TRPC4: variants seen among roughly 807,000 people sequenced by gnomAD.
TRPC4 encodes the protein transient receptor potential cation channel subfamily C member 4.
A neutral mutation model predicts 99.4 loss-of-function variants in TRPC4; 49 were observed. That is an observed-to-expected ratio of 0.49 (90% CI 0.39 to 0.63). The LOEUF (loss-of-function observed/expected upper bound fraction) is 0.63. TRPC4 is among the 20% of genes least tolerant of loss of function. TRPC4 has a pLI of 0.00. For missense variants in TRPC4, 898 were observed against 1,152.9 expected (o/e 0.78, Z 3.20); for synonymous variants, 454 against 425.9 (o/e 1.07, Z -0.81).
intron 1 of TRPC4, among the ~76,000 whole-genome samples, chr13:37,784,226 G>T (rs968900651): frequency 5.3e-5 from 8 of 151,984 alleles, no homozygotes; most frequent in African/African-American, 1.9e-4. Context: ...AATGGAGAGA[G>T]AATTTATTAT....
intron 6 of TRPC4, among the ~76,000 whole-genome samples, chr13:37,662,137 C>G (rs1179861185): frequency 6.6e-6 from 1 of 151,944 alleles, no homozygotes; most frequent in Non-Finnish European, 1.5e-5. Context: ...TGTTGAAACC[C>G]TATCTCTACT....
At chr13:37,671,835 G>A (rs577551538) in intron 5 of TRPC4, among the ~76,000 whole-genome samples, 70 of 152,242 alleles carry the variant, frequency 4.6e-4, no homozygotes, top group Non-Finnish European at 9.4e-4. Context: ...CATACATTGT[G>A]CTAAATGCAA....
chr13:37,797,201 A>C (rs1010158271), intron 1 of TRPC4, among the ~76,000 whole-genome samples: 2 of 151,724 alleles, frequency 1.3e-5, no homozygotes, highest in African/African-American at 4.8e-5. Context: ...AATTAAAAAT[A>C]AAAATAAAAT....
At chr13:37,643,590 G>T (rs1389370498) in intron 8 of TRPC4, among the ~76,000 whole-genome samples, 1 of 152,178 alleles carries the variant, frequency 6.6e-6, no homozygotes, top group Non-Finnish European at 1.5e-5. Flanking sequence ...AATATGCTAG[G>T]GTTAGAAAGT....
intron 6 of TRPC4, among the ~76,000 whole-genome samples, chr13:37,659,670 A>C (rs1305168791): frequency 6.6e-6 from 1 of 152,172 alleles, no homozygotes; most frequent in Non-Finnish European, 1.5e-5. Context: ...TGGAAGACAT[A>C]AGAAACAAGG....
intron 1 of TRPC4, among the ~76,000 whole-genome samples, chr13:37,812,175 T>TCAAAAAAAAAAACAAA (rs1957708704): frequency 1.9e-4 from 1 of 5,200 alleles, no homozygotes; most frequent in African/African-American, 9.0e-4. Flanking sequence ...TGAGACTCTA[T>TCAAAAAAAAAAACAAA]CAAAAAAAAA....
chr13:37,676,950 A>T (rs1953077535), intron 4 of TRPC4, among the ~76,000 whole-genome samples: 1 of 151,642 alleles, frequency 6.6e-6, no homozygotes, highest in Admixed American at 6.6e-5. Context: ...ATACATATAA[A>T]ATACATATAT....
chr13:37,788,571 T>C (rs754043825), intron 1 of TRPC4, among the ~76,000 whole-genome samples: 1 of 151,926 alleles, frequency 6.6e-6, no homozygotes, highest in Non-Finnish European at 1.5e-5. Flanking sequence ...CTGCCAGTCT[T>C]CCCTAATGCT....
chr13:37,772,200 G>A (rs771672012), intron 2 of TRPC4, among the ~76,000 whole-genome samples: 6 of 151,712 alleles, frequency 4.0e-5, no homozygotes, highest in Non-Finnish European at 8.8e-5. Context: ...CACAGTTAGT[G>A]TATGGAAAGG....
Position 37,637,002 on chromosome 13 carries a change from T to C in TRPC4, c.2835A>G (p.Pro945=). Residue 945 remains proline (P), a synonymous_variant, in exon 11 of 11, where the codon CCA becomes CCG. Transcript: ENST00000379705. The part of the protein sequence containing the change: ...VVVEDTVPII[P]KEKHAKEEDS... The stretch of plus-strand genomic sequence containing the variant: ...CCTCTTCTTTTGCATGTTTCTCCTT[T>C]GGTATTATAGGAACCGTGTCCTCCA... The C allele has an allele frequency of 6.2e-7, 1 of 1,613,772 alleles. No homozygotes were observed. The highest frequency in any genetic ancestry group is 8.5e-7 in the Non-Finnish European group (1 of 1,179,748).
At chr13:37,845,133 G>A (rs1373463883) in intron 1 of TRPC4, among the ~76,000 whole-genome samples, 9 of 152,112 alleles carry the variant, frequency 5.9e-5, no homozygotes, top group Admixed American at 2.6e-4. Context: ...CCAACCTTAA[G>A]GTCTGTTTGG....
intron 3 of TRPC4, among the ~76,000 whole-genome samples, chr13:37,743,066 T>A (rs996674893): frequency 6.6e-6 from 1 of 152,098 alleles, no homozygotes; most frequent in Non-Finnish European, 1.5e-5. Flanking sequence ...TCCATTGAAA[T>A]CTCAAAACAT....
At chr13:37,728,109 G>A (rs959423024) in intron 3 of TRPC4, among the ~76,000 whole-genome samples, 2 of 151,746 alleles carry the variant, frequency 1.3e-5, no homozygotes, top group Non-Finnish European at 2.9e-5. Context: ...AAGACTAAAA[G>A]CTTTTTCTCT....
chr13:37,701,817 G>A (rs986450221), intron 3 of TRPC4, among the ~76,000 whole-genome samples: 1 of 151,998 alleles, frequency 6.6e-6, no homozygotes, highest in East Asian at 1.9e-4. Context: ...TATTATTGTG[G>A]ATATTGAAAT....
chr13:37,726,183 G>A (rs1955050272), intron 3 of TRPC4, among the ~76,000 whole-genome samples: 1 of 150,526 alleles, frequency 6.6e-6, no homozygotes, highest in South Asian at 2.1e-4. Context: ...GCGACAGAGT[G>A]AGACACCGTC....
At chr13:37,751,499 T>C (rs1593658180) in intron 2 of TRPC4, among the ~76,000 whole-genome samples, 1 of 152,076 alleles carries the variant, frequency 6.6e-6, no homozygotes, top group Non-Finnish European at 1.5e-5. Context: ...GGGGACCCTA[T>C]GGTTACTAGA....
intron 4 of TRPC4, among the ~76,000 whole-genome samples, chr13:37,688,119 T>G (rs1338552471): frequency 1.3e-5 from 2 of 152,206 alleles, no homozygotes; most frequent in Non-Finnish European, 2.9e-5. Flanking sequence ...TGAGGCTGTT[T>G]GATGGCAGAA....
At chr13:37,855,760 AAAT>A (rs1364008112) in intron 1 of TRPC4, among the ~76,000 whole-genome samples, 1 of 151,948 alleles carries the variant, frequency 6.6e-6, no homozygotes, top group Non-Finnish European at 1.5e-5. Flanking sequence ...CATGGAAATT[AAAT>A]AATATGCTCC....
At chr13:37,712,126 T>A (rs1954507116) in intron 3 of TRPC4, among the ~76,000 whole-genome samples, 1 of 152,142 alleles carries the variant, frequency 6.6e-6, no homozygotes, top group African/African-American at 2.4e-5. Context: ...TCATAGATGA[T>A]GGATATCTTT....
Sources: allele counts gnomAD v4.1 joint callset (sites outside exome capture counted in the v4.1 genomes callset), GRCh38; gene constraint gnomAD v4.1.1; transcripts MANE v1.5; gene names NCBI Gene and HGNC (gene_info 2026-07-23, HGNC 2026-07-21).